Variants in SNTB1 observed in about 807,000 individuals in gnomAD.
The protein encoded by SNTB1 is syntrophin beta 1, also known as beta-1-syntrophin.
SNTB1 carries 36 observed loss-of-function variants against 48.9 expected under a neutral mutation model. That is an observed-to-expected ratio of 0.74 (90% CI 0.56 to 0.97). The LOEUF (loss-of-function observed/expected upper bound fraction) is 0.97. Ranked by LOEUF, SNTB1 falls within the 50% of genes least tolerant of loss-of-function variation. The probability of loss-of-function intolerance (pLI) is 0.00; values close to 1 mark genes in which losing one functional copy is unlikely to be tolerated. For synonymous variants in SNTB1, 299 were observed against 294.6 expected, an observed-to-expected ratio of 1.01 and a Z score of -0.15; for missense variants, 786 against 703.4, an observed-to-expected ratio of 1.12 and a Z score of -1.33.
At chr8:120,808,930 A>AAAAAAGGG (rs1820383688) in intron 1 of SNTB1, among the ~76,000 whole-genome samples, 1 of 152,190 alleles carries the variant, frequency 6.6e-6, no homozygotes, top group Non-Finnish European at 1.5e-5. Context: ...TGCTATATAA[A>AAAAAAGGG]TGTACCTTTA....
chr8:120,789,044 T>C (rs960660815), intron 1 of SNTB1, among the ~76,000 whole-genome samples: 5 of 152,048 alleles, frequency 3.3e-5, no homozygotes, highest in Non-Finnish European at 5.9e-5. Flanking sequence ...TCAAGTATCT[T>C]CTCAGAGCAC....
chr8:120,670,263 A>C (rs920380523), intron 2 of SNTB1, among the ~76,000 whole-genome samples: 2 of 152,212 alleles, frequency 1.3e-5, no homozygotes, highest in Non-Finnish European at 2.9e-5. Context: ...AAGGGGTTTG[A>C]AGACAGTGTA....
At chr8:120,801,832 TA>T (rs145127684) in intron 1 of SNTB1, among the ~76,000 whole-genome samples, 2 of 152,116 alleles carry the variant, frequency 1.3e-5, no homozygotes, top group East Asian at 1.9e-4. Flanking sequence ...TAAACTTTTT[TA>T]AAAAAATTCA....
chr8:120,698,413 GT>G (rs544902695), intron 1 of SNTB1, among the ~76,000 whole-genome samples: 115 of 152,228 alleles, frequency 7.6e-4, no homozygotes, highest in Non-Finnish European at 1.4e-3. Flanking sequence ...GGTTCTGGTA[GT>G]TTTTTTCATA....
chr8:120,696,014 G>A (rs1818205395), intron 1 of SNTB1, among the ~76,000 whole-genome samples: 1 of 152,010 alleles, frequency 6.6e-6, no homozygotes, highest in Non-Finnish European at 1.5e-5. Flanking sequence ...AATTTAGGGG[G>A]ACATATTGAA....
chr8:120,756,732 T>C (rs1022305112), intron 1 of SNTB1, among the ~76,000 whole-genome samples: 1 of 152,176 alleles, frequency 6.6e-6, no homozygotes, highest in Admixed American at 6.5e-5. Context: ...ATTCCCTAGC[T>C]TGGGATAATG....
At chr8:120,787,725 G>A (rs1819947420) in intron 1 of SNTB1, among the ~76,000 whole-genome samples, 1 of 152,060 alleles carries the variant, frequency 6.6e-6, no homozygotes, top group African/African-American at 2.4e-5. Context: ...AAGAAATATG[G>A]GATTATGTAA....
chr8:120,593,251 A>G (rs1816272197), intron 3 of SNTB1, among the ~76,000 whole-genome samples: 1 of 152,194 alleles, frequency 6.6e-6, no homozygotes, highest in Non-Finnish European at 1.5e-5. Context: ...CTCCCACTGA[A>G]GCAGGCACCG....
chr8:120,661,043 A>G (rs1350117869), intron 2 of SNTB1, among the ~76,000 whole-genome samples: 1 of 152,294 alleles, frequency 6.6e-6, no homozygotes, highest in South Asian at 2.1e-4. Flanking sequence ...CCGGTCACAG[A>G]TCACCATAAT....
At chr8:120,571,295 G>A in intron 4 of SNTB1, 1 of 1,287,740 alleles carries the variant, frequency 7.8e-7, no homozygotes, top group Non-Finnish European at 1.0e-6. Context: ...CAGTGACTGT[G>A]GTCTAATCTT....
chr8:120,756,454 C>T (rs1276202894), intron 1 of SNTB1, among the ~76,000 whole-genome samples: 3 of 152,024 alleles, frequency 2.0e-5, no homozygotes, highest in African/African-American at 7.2e-5. Context: ...TTCAGAAGTG[C>T]TTATTCACAG....
intron 1 of SNTB1, 83 bp downstream of exon 1, chr8:120,811,186 CGAGT>C (rs1483046720): frequency 7.1e-5 from 106 of 1,493,414 alleles, no homozygotes; most frequent in African/African-American, 9.8e-5. Context: ...CGCATGTGGC[CGAGT>C]GAGTGTGAGT....
At chr8:120,639,864 TC>T (rs1410179743) in intron 2 of SNTB1, among the ~76,000 whole-genome samples, 1 of 152,248 alleles carries the variant, frequency 6.6e-6, no homozygotes, top group African/African-American at 2.4e-5. Context: ...CAATGTGGGC[TC>T]TTTTTTGTTC....
chr8:120,663,519 C>T (rs1817625809), intron 2 of SNTB1, among the ~76,000 whole-genome samples: 1 of 152,122 alleles, frequency 6.6e-6, no homozygotes, highest in Admixed American at 6.5e-5. Context: ...GTTGACCAGG[C>T]TGGTCTCGAA....
intron 3 of SNTB1, among the ~76,000 whole-genome samples, chr8:120,604,165 C>T (rs1466710418): frequency 2.0e-5 from 3 of 152,206 alleles, no homozygotes; most frequent in Non-Finnish European, 2.9e-5. Flanking sequence ...AGAAACTGAG[C>T]CAGGCCTCCT....
chr8:120,556,623 T>C (rs959648436), intron 4 of SNTB1, among the ~76,000 whole-genome samples: 2 of 152,166 alleles, frequency 1.3e-5, no homozygotes, highest in African/African-American at 4.8e-5. Context: ...CTGTACATAT[T>C]ATGGTATTGC....
intron 2 of SNTB1, among the ~76,000 whole-genome samples, chr8:120,664,802 G>C (rs957531415): frequency 6.6e-6 from 1 of 152,208 alleles, no homozygotes; most frequent in Admixed American, 6.5e-5. Flanking sequence ...GAGAGGAATT[G>C]CTGGCTCATA....
chr8:120,786,225 A>T (rs1368470563), intron 1 of SNTB1, among the ~76,000 whole-genome samples: 1 of 152,120 alleles, frequency 6.6e-6, no homozygotes, highest in Non-Finnish European at 1.5e-5. Context: ...GCCCTCAGGG[A>T]TTGCTACTCC....
intron 2 of SNTB1, chr8:120,635,790 G>T (rs1293473523): frequency 4.5e-6 from 1 of 223,254 alleles, no homozygotes; most frequent in Non-Finnish European, 9.9e-6. Context: ...TGATGCCAGG[G>T]TTGCTTTTAC....
Sources: allele counts gnomAD v4.1 joint callset (sites outside exome capture counted in the v4.1 genomes callset), GRCh38; gene constraint gnomAD v4.1.1; transcripts MANE v1.5; gene names NCBI Gene and HGNC (gene_info 2026-07-23, HGNC 2026-07-21).